The following AGBL4 variants were observed in gnomAD, a reference collection of about 807,000 sequenced individuals.
AGBL4 encodes the protein AGBL carboxypeptidase 4.
Under a neutral mutation model 66.4 loss-of-function variants are expected in AGBL4, and 58 were observed. The ratio of observed to expected loss-of-function variants is 0.87; its 90% CI spans 0.71 to 1.09. The LOEUF (loss-of-function observed/expected upper bound fraction) is 1.09. AGBL4 is among the 50% of genes least tolerant of loss of function. The probability of loss-of-function intolerance (pLI) is 0.00; values close to 1 mark genes in which losing one functional copy is unlikely to be tolerated. For missense variants in AGBL4, 579 were observed against 631.0 expected, an observed-to-expected ratio of 0.92 and a Z score of 0.88; for synonymous variants, 234 against 222.9, an observed-to-expected ratio of 1.05 and a Z score of -0.44.
intron 1 of AGBL4, among the ~76,000 whole-genome samples, chr1:49,860,543 T>G (rs1275099067): frequency 6.6e-6 from 1 of 151,924 alleles, no homozygotes; most frequent in Non-Finnish European, 1.5e-5. Context: ...ACGAAAAATT[T>G]TAAAAGTTAG....
At position 49,946,796 on chromosome 1, in the gene AGBL4, G is replaced by T. The variant is rs529982579; in HGVS notation, c.34+76967C>A. ...GTTCTTTGAAAAGATAAATAAAATT[G>T]ATAGACCATTACCAAGAATAACCAA... On this transcript the variant is annotated intron_variant, in intron 1 of 13. Transcript: ENST00000371839. Among the ~76,000 whole-genome samples, 12 of 151,892 alleles carry T rather than the reference G, an allele frequency of 7.9e-5. No homozygotes were observed. In the South Asian group the frequency reaches 2.3e-3, roughly 29 times the overall value.
intron 2 of AGBL4, among the ~76,000 whole-genome samples, chr1:49,773,396 G>A (rs766207094): frequency 5.3e-5 from 8 of 152,084 alleles, no homozygotes; most frequent in African/African-American, 1.7e-4. Context: ...TCTGCACATC[G>A]AGTGGAAGTG....
At chr1:49,223,287 G>T (rs1259960812) in intron 4 of AGBL4, among the ~76,000 whole-genome samples, 2 of 152,286 alleles carry the variant, frequency 1.3e-5, no homozygotes. Context: ...CACAGAAGGG[G>T]AGAGGAAGCA....
intron 3 of AGBL4, among the ~76,000 whole-genome samples, chr1:49,553,454 A>G (rs920951271): frequency 2.0e-5 from 3 of 152,208 alleles, no homozygotes; most frequent in Non-Finnish European, 4.4e-5. Flanking sequence ...CTACAATGAT[A>G]GCTCAAGTTT....
At chr1:49,720,687 G>A (rs1382252170) in intron 2 of AGBL4, among the ~76,000 whole-genome samples, 1 of 152,130 alleles carries the variant, frequency 6.6e-6, no homozygotes, top group Admixed American at 6.6e-5. Flanking sequence ...CAAATGACGT[G>A]ATACGTGCAG....
chr1:49,346,538 G>A (rs1391076412), intron 3 of AGBL4, among the ~76,000 whole-genome samples: 1 of 152,102 alleles, frequency 6.6e-6, no homozygotes, highest in Non-Finnish European at 1.5e-5. Context: ...CTTTGTACAG[G>A]AATGCAGGAT....
At chr1:48,652,211 A>C (rs543052169) in intron 8 of AGBL4, among the ~76,000 whole-genome samples, 2 of 152,280 alleles carry the variant, frequency 1.3e-5, no homozygotes, top group East Asian at 3.9e-4. Context: ...CAAACAAATA[A>C]ACAAATACAC....
intron 3 of AGBL4, among the ~76,000 whole-genome samples, chr1:49,655,867 T>C (rs988683382): frequency 2.0e-5 from 3 of 151,184 alleles, no homozygotes; most frequent in Admixed American, 6.6e-5. Context: ...ATAAAGGGGG[T>C]GCTGGGCGTG....
At chr1:49,631,117 G>T (rs1459269851) in intron 3 of AGBL4, among the ~76,000 whole-genome samples, 1 of 152,174 alleles carries the variant, frequency 6.6e-6, no homozygotes, top group Non-Finnish European at 1.5e-5. Flanking sequence ...GGGATCTGCA[G>T]AGCCCAAAAC....
chr1:48,785,056 C>G (rs1178256164), intron 6 of AGBL4, among the ~76,000 whole-genome samples: 1 of 152,146 alleles, frequency 6.6e-6, no homozygotes, highest in Admixed American at 6.5e-5. Flanking sequence ...TTAACTCATT[C>G]TGTAATTTTT....
chr1:49,370,381 G>A (rs1402465606), intron 3 of AGBL4, among the ~76,000 whole-genome samples: 2 of 151,862 alleles, frequency 1.3e-5, no homozygotes, highest in African/African-American at 4.8e-5. Context: ...AGACCAGCAG[G>A]CTAAAAATTC....
intron 3 of AGBL4, among the ~76,000 whole-genome samples, chr1:49,381,423 T>G (rs1255414661): frequency 4.6e-5 from 7 of 152,216 alleles, no homozygotes; most frequent in Non-Finnish European, 1.5e-5. Flanking sequence ...TCAATCATTG[T>G]GGAAGTCAGT....
At chr1:48,989,960 G>C (rs1341892584) in intron 5 of AGBL4, among the ~76,000 whole-genome samples, 1 of 152,160 alleles carries the variant, frequency 6.6e-6, no homozygotes, top group Non-Finnish European at 1.5e-5. Flanking sequence ...CCTCCAAACT[G>C]TTCTCCATAG....
intron 3 of AGBL4, among the ~76,000 whole-genome samples, chr1:49,693,415 T>C (rs933733306): frequency 3.9e-5 from 6 of 152,168 alleles, no homozygotes; most frequent in African/African-American, 1.2e-4. Context: ...TTTATAGCCA[T>C]ATTTATCAAA....
At chr1:48,965,549 CG>C (rs1658351720) in intron 5 of AGBL4, among the ~76,000 whole-genome samples, 1 of 152,032 alleles carries the variant, frequency 6.6e-6, no homozygotes, top group Admixed American at 6.6e-5. Context: ...GTGGTAGCAC[CG>C]GTTTCAGCTG....
chr1:48,704,573 C>G (rs977047169), intron 6 of AGBL4, among the ~76,000 whole-genome samples: 1 of 151,818 alleles, frequency 6.6e-6, no homozygotes, highest in African/African-American at 2.4e-5. Flanking sequence ...GTTTTTTTTA[C>G]TCTTTAAACA....
At chr1:49,877,785 G>A (rs923191086) in intron 1 of AGBL4, among the ~76,000 whole-genome samples, 1 of 150,716 alleles carries the variant, frequency 6.6e-6, no homozygotes, top group Non-Finnish European at 1.5e-5. Context: ...AATCCATCTG[G>A]TCCTGGACTC....
intron 2 of AGBL4, among the ~76,000 whole-genome samples, chr1:49,772,926 G>A (rs1249925119): frequency 3.9e-5 from 6 of 152,032 alleles, no homozygotes; most frequent in Non-Finnish European, 8.8e-5. Context: ...TGTTAAATAG[G>A]TCTTCTGTAT....
At chr1:49,289,196 T>C (rs1187463318) in intron 3 of AGBL4, among the ~76,000 whole-genome samples, 1 of 151,838 alleles carries the variant, frequency 6.6e-6, no homozygotes, top group Non-Finnish European at 1.5e-5. Flanking sequence ...TAAATGAAAA[T>C]TACAGAATTA....
Sources: gnomAD v4.1 joint callset for allele counts (sites outside exome capture counted in the v4.1 genomes callset) on GRCh38, gnomAD v4.1.1 for gene constraint, MANE v1.5 for transcripts, NCBI Gene and HGNC (gene_info 2026-07-23, HGNC 2026-07-21) for gene names.